Variants in ABCB9 observed in about 807,000 individuals in gnomAD.
ABCB9 encodes the protein ABC-type oligopeptide transporter ABCB9.
A neutral mutation model predicts 62.0 loss-of-function variants in ABCB9; 36 were observed. The ratio of observed to expected loss-of-function variants is 0.58; its 90% CI spans 0.45 to 0.77. ABCB9 has a LOEUF of 0.77. Among genes scored for constraint, ABCB9 ranks in the 30% least tolerant of loss-of-function variants. ABCB9 has a pLI of 0.00. For missense variants in ABCB9, 943 were observed against 1,054.7 expected (o/e 0.89, Z 1.47); for synonymous variants, 435 against 461.4 (o/e 0.94, Z 0.73).
In ABCB9 at chr12:122,948,816, G is replaced by A; in HGVS notation, c.861C>T (p.Ser287=). 2 of 1,570,576 alleles carry A rather than the reference G, an allele frequency of 1.3e-6. No homozygotes were observed. Among genetic ancestry groups the A allele is most frequent in the Non-Finnish European group, 1.7e-6 (2 of 1,158,310 alleles). Residue 287 remains serine, a synonymous_variant, in exon 5 of 12, where the codon TCC becomes TCT. Transcript: ENST00000280560. Reference sequence around the variant, plus strand: ...CCATGGTGGTGTCCGAGGTCAGGCGGGAGATGAGGTCCCCTGGAACACACG... The same window carrying A: ...CCATGGTGGTGTCCGAGGTCAGGCGAGAGATGAGGTCCCCTGGAACACACG... ...FDENRTGDLI[S]RLTSDTTMVS... is the part of the protein sequence containing the mutation.
rs565187198 is a variant in ABCB9 at position 122,956,910 on chromosome 12, G to A, written c.601+2725C>T. Reference sequence around the variant, plus strand: ...TGACCTCAAGTGATCTGCCCACCTCGGCCTCCCAAAGTGTTGGGATTACAG... The same window carrying A: ...TGACCTCAAGTGATCTGCCCACCTCAGCCTCCCAAAGTGTTGGGATTACAG... On this transcript the variant is annotated intron_variant, in intron 2 of 11. Coordinates refer to ENST00000280560, the MANE Select transcript of ABCB9 (RefSeq NM_019625.4). Among the ~76,000 whole-genome samples, 28 of 152,224 alleles carry A rather than the reference G, an allele frequency of 1.8e-4. 1 individual carries two copies. In the South Asian group the frequency reaches 2.5e-3, roughly 14 times the overall value.
chr12:122,934,288 C>G (rs1438768226), intron 10 of ABCB9, among the ~76,000 whole-genome samples: 2 of 152,146 alleles, frequency 1.3e-5, no homozygotes, highest in African/African-American at 4.8e-5. Context: ...CAACAGGTCT[C>G]TTGACCTTAT....
intron 10 of ABCB9, among the ~76,000 whole-genome samples, chr12:122,933,280 G>A (rs1438265050): frequency 1.3e-5 from 2 of 152,072 alleles, no homozygotes; most frequent in African/African-American, 4.8e-5. Context: ...TGAATAATCC[G>A]GGCTGAGCAC....
At chr12:122,927,318 T>A (rs778728868), downstream of ABCB9, among the ~76,000 whole-genome samples, 11 of 152,058 alleles carry the variant, frequency 7.2e-5, no homozygotes, top group Non-Finnish European at 1.5e-4. Context: ...ACTACAGGCG[T>A]GTGCCAACAC....
At chr12:122,973,963 T>C (rs1355536165) in intron 1 of ABCB9, among the ~76,000 whole-genome samples, 1 of 152,254 alleles carries the variant, frequency 6.6e-6, no homozygotes, top group East Asian at 1.9e-4. Context: ...GAAAACTGCT[T>C]GAATCCGGGA....
At chr12:122,948,525 G>A (rs1321566452) in intron 5 of ABCB9, 99 bp downstream of exon 5, 1 of 1,145,544 alleles carries the variant, frequency 8.7e-7, no homozygotes, top group Non-Finnish European at 1.2e-6. Flanking sequence ...CTCAAGACCT[G>A]TCCTTCACTA....
Position 122,930,000 on chromosome 12 carries a change from C to T in ABCB9, c.2212G>A (p.Val738Met), listed in dbSNP as rs765938649. ...LAQGGLYAKLVQRQMLGLQPA... is the reference protein window; with the variant it reads ...LAQGGLYAKLMQRQMLGLQPA... ...TGAAGCCCCAGCATCTGCCGCTGCA[C>T]CAGCTTGGCGTAGAGGCCGCCCTGG... The change falls in exon 12 of 12, where the codon GTG becomes ATG. Residue 738 changes from valine (V) to methionine (M), a missense_variant. By Grantham distance (21) the Val-to-Met change is conservative. Transcript: ENST00000280560. The surrounding 1 kb of genome is among the most constrained non-coding windows in gnomAD (Gnocchi z 6.0). The T allele has an allele frequency of 6.3e-7, 1 of 1,576,846 alleles. No homozygotes were observed. The highest frequency in any genetic ancestry group is 8.6e-7 in the Non-Finnish European group (1 of 1,163,478).
At chr12:122,953,654 G>T (rs1333245608) in intron 2 of ABCB9, among the ~76,000 whole-genome samples, 1 of 152,126 alleles carries the variant, frequency 6.6e-6, no homozygotes, top group Non-Finnish European at 1.5e-5. Context: ...CCAAAGTGCT[G>T]GGATTACAGG....
At chr12:122,941,141 T>G in intron 7 of ABCB9, 146 bp from the exon 8 acceptor site, 1 of 798,472 alleles carries the variant, frequency 1.3e-6, no homozygotes, top group South Asian at 1.9e-5. Flanking sequence ...ACTGGTGCAT[T>G]AGATAACGAC....
intron 9 of ABCB9, among the ~76,000 whole-genome samples, chr12:122,937,892 C>T (rs140214259): frequency 3.3e-5 from 5 of 152,362 alleles, no homozygotes; most frequent in Non-Finnish European, 7.3e-5. Context: ...TAGGCCAGCA[C>T]AGGGACAGGT....
chr12:122,930,908 C>T lies in ABCB9; in HGVS notation c.2041-737G>A, dbSNP rs1024825237. On this transcript the variant is annotated intron_variant, in intron 11 of 11. Coordinates refer to ENST00000280560, the MANE Select transcript of ABCB9 (RefSeq NM_019625.4). This position sits in a 1 kb window ranked among gnomAD's most constrained non-coding sequence, Gnocchi z 4.9. ...AGCCATCTGCAAATACATGACTGGG[C>T]CCACCTGACCAGTGAGAATGCGACT... Among the ~76,000 whole-genome samples the T allele has an allele frequency of 2.0e-5, 3 of 152,130 alleles. No homozygotes were observed. Among genetic ancestry groups the T allele is most frequent in the Non-Finnish European group, 2.9e-5 (2 of 68,034 alleles).
At chr12:122,922,827 C>G (rs570983217) in intron 11 of ABCB9, among the ~76,000 whole-genome samples, 3 of 152,314 alleles carry the variant, frequency 2.0e-5, no homozygotes, top group South Asian at 4.1e-4. Flanking sequence ...AGGTCTCGCT[C>G]TATCACCCGG....
At chr12:122,953,401 A>T in intron 2 of ABCB9, among the ~76,000 whole-genome samples, 1 of 150,938 alleles carries the variant, frequency 6.6e-6, no homozygotes, top group East Asian at 1.9e-4. Flanking sequence ...GTATATATAT[A>T]TTTTGAGATG....
At chr12:122,933,326 G>A (rs906915555) in intron 10 of ABCB9, among the ~76,000 whole-genome samples, 1 of 152,222 alleles carries the variant, frequency 6.6e-6, no homozygotes, top group African/African-American at 2.4e-5. Context: ...CAACCAAGGT[G>A]GGCGGGTCAC....
intron 3 of ABCB9, among the ~76,000 whole-genome samples, chr12:122,950,212 G>C (rs1165339108): frequency 2.0e-5 from 3 of 152,216 alleles, no homozygotes; most frequent in Non-Finnish European, 4.4e-5. Flanking sequence ...AAACAGCCAG[G>C]GAGGGTGAGC....
chr12:122,947,685 T>C lies in ABCB9; in HGVS notation c.1053+939A>G. ...TGAGGTCAAACCTGGCTCACGGCCC[T>C]AGCTCGGAAGCAGAAGCAGTGCCGT... On this transcript the variant is annotated intron_variant, in intron 5 of 11. Coordinates refer to ENST00000280560, the MANE Select transcript of ABCB9 (RefSeq NM_019625.4). This position sits in a 1 kb window ranked among gnomAD's most constrained non-coding sequence, Gnocchi z 6.0. 3.6e-6 allele frequency: 1 copy of C among 274,074 alleles called. No homozygotes were observed. The highest frequency in any genetic ancestry group is 7.7e-6 in the Non-Finnish European group (1 of 129,832). 17.0% of individuals were successfully genotyped at this position (274,074 alleles called of 1,614,324 possible). A position where few individuals can be genotyped will look rare whatever the true frequency, so the allele number is the denominator to read the frequency against.
intron 7 of ABCB9, among the ~76,000 whole-genome samples, chr12:122,943,121 A>G (rs1674902576): frequency 6.6e-6 from 1 of 152,146 alleles, no homozygotes; most frequent in Admixed American, 6.5e-5. Flanking sequence ...GACCTTGAGC[A>G]ATGGCTGATG....
At chr12:122,955,432 C>G (rs1054551216) in intron 2 of ABCB9, among the ~76,000 whole-genome samples, 1 of 152,232 alleles carries the variant, frequency 6.6e-6, no homozygotes, top group African/African-American at 2.4e-5. Flanking sequence ...GACAGTCATT[C>G]ATACTTTTGT....
rs543560279 is a variant in ABCB9, at chr12:122,932,173, C to T, written c.2040+19G>A. The T allele has an allele frequency of 1.3e-6, 2 of 1,551,664 alleles. No homozygotes were observed. Among genetic ancestry groups the T allele is most frequent in the African/African-American group, 1.4e-5 (1 of 73,196 alleles). ...GGAGCCGCTCCTGCCCCCGCATTGC[C>T]CACCACCCTGTGACTCACCAGATAC... On this transcript the variant is annotated intron_variant, in intron 11 of 11. Transcript: ENST00000280560. The surrounding 1 kb of genome is among the most constrained non-coding windows in gnomAD (Gnocchi z 4.7).
Sources: allele counts gnomAD v4.1 joint callset (sites outside exome capture counted in the v4.1 genomes callset), GRCh38; gene constraint gnomAD v4.1.1; non-coding constraint Gnocchi (gnomAD v3.1); transcripts MANE v1.5; gene names NCBI Gene and HGNC (gene_info 2026-07-23, HGNC 2026-07-21).